Variants in TBC1D2 observed in about 807,000 individuals in gnomAD.
TBC1D2 encodes TBC1 domain family member 2.
TBC1D2 carries 58 observed loss-of-function variants against 91.1 expected under a neutral mutation model. The ratio of observed to expected loss-of-function variants is 0.64; its 90% CI spans 0.52 to 0.79. The LOEUF (loss-of-function observed/expected upper bound fraction) is 0.79. TBC1D2 is among the 30% of genes least tolerant of loss of function. The pLI is 0.00. For synonymous variants in TBC1D2, 482 were observed against 511.5 expected (o/e 0.94, Z 0.78); for missense variants, 1,080 against 1,208.3 (o/e 0.89, Z 1.57).
At chr9:98,251,186 G>A (rs1230021588) in intron 2 of TBC1D2, among the ~76,000 whole-genome samples, 1 of 152,086 alleles carries the variant, frequency 6.6e-6, no homozygotes, top group Non-Finnish European at 1.5e-5. Flanking sequence ...GGCTGCCTCG[G>A]GAGGCTGAGG....
At chr9:98,223,462 A>T (rs1488074700) in intron 5 of TBC1D2, among the ~76,000 whole-genome samples, 1 of 152,242 alleles carries the variant, frequency 6.6e-6, no homozygotes, top group African/African-American at 2.4e-5. Context: ...CTCAGGGCTC[A>T]GTGGAGAGAG....
chr9:98,212,662 C>T lies in TBC1D2; in HGVS notation c.1485+446G>A, dbSNP rs558859152. 5.9e-5 allele frequency among the ~76,000 whole-genome samples: 9 copies of T among 152,276 alleles called. No individual in the cohort carries two copies. In the East Asian group the frequency reaches 1.2e-3, roughly 20 times the overall value. ...GACTGCAGGCGCCCGCCACCATGCCCGGCTAATTTTTTTTTGTATATTTAG... is the reference window on the plus strand; with the variant it reads ...GACTGCAGGCGCCCGCCACCATGCCTGGCTAATTTTTTTTTGTATATTTAG... On this transcript the variant is annotated intron_variant, in intron 7 of 12. Transcript: ENST00000465784.
Position 98,199,524 on chromosome 9 carries a change from G to A in TBC1D2, c.2644C>T (p.Arg882Cys), listed in dbSNP as rs373233972. 27 of 1,614,002 alleles carry A rather than the reference G, an allele frequency of 1.7e-5. No individual in the cohort carries two copies. The highest frequency in any genetic ancestry group is 2.0e-5 in the Non-Finnish European group (24 of 1,180,046). ...TCCAGCCGCTCCCGGTGGACCATGC[G>A]CAGCTGCCGCAGCTGTTTCATGCGG... ...PFRMKQLRQL[R>C]MVHRERLEAE... The change falls in exon 13 of 13, where the codon CGC (arginine) becomes TGC (cysteine). Residue 882 changes from arginine to cysteine, a missense_variant. Physicochemically the swap from Arg to Cys is radical, Grantham distance 180 (BLOSUM62 -3). Transcript: ENST00000465784.
intron 3 of TBC1D2, among the ~76,000 whole-genome samples, chr9:98,237,042 A>C (rs541674758): frequency 5.4e-4 from 82 of 152,230 alleles, no homozygotes; most frequent in African/African-American, 1.8e-3. Context: ...ATCTGTTAAG[A>C]ATGTCAGACT....
intron 6 of TBC1D2, among the ~76,000 whole-genome samples, chr9:98,219,065 A>G (rs1248224069): frequency 6.6e-6 from 1 of 152,232 alleles, no homozygotes; most frequent in Non-Finnish European, 1.5e-5. Flanking sequence ...ACCCAAAAGA[A>G]TCTCTGATTT....
intron 1 of TBC1D2, 112 bp from the exon 2 acceptor site, chr9:98,252,038 A>G: frequency 7.2e-7 from 1 of 1,396,110 alleles, no homozygotes; most frequent in Admixed American, 2.5e-5. Context: ...CCCAGGAAAA[A>G]AAAAAGGGGG....
At chr9:98,205,879 T>C (rs1828640196) in intron 9 of TBC1D2, among the ~76,000 whole-genome samples, 1 of 152,016 alleles carries the variant, frequency 6.6e-6, no homozygotes, top group Non-Finnish European at 1.5e-5. Context: ...GCAGTTCTAA[T>C]GGCTACCACT....
intron 3 of TBC1D2, chr9:98,235,173 C>T: frequency 3.9e-6 from 1 of 258,666 alleles, no homozygotes; most frequent in Non-Finnish European, 7.8e-6. Flanking sequence ...ACTGCACCTC[C>T]AGCCTGGACG....
chr9:98,246,508 A>G (rs1216712256), intron 2 of TBC1D2, among the ~76,000 whole-genome samples: 1 of 152,222 alleles, frequency 6.6e-6, no homozygotes, highest in East Asian at 1.9e-4. Context: ...CACCAAACAC[A>G]GACTGGGTGT....
intron 2 of TBC1D2, among the ~76,000 whole-genome samples, chr9:98,249,162 C>T (rs1010444432): frequency 5.3e-5 from 8 of 152,156 alleles, no homozygotes; most frequent in Non-Finnish European, 1.0e-4. Context: ...GAAGGTTTTG[C>T]CAGGCCCTGG....
intron 7 of TBC1D2, among the ~76,000 whole-genome samples, chr9:98,211,054 G>A (rs1828824884): frequency 6.6e-6 from 1 of 152,246 alleles, no homozygotes; most frequent in Non-Finnish European, 1.5e-5. Context: ...CCAGGTTGGA[G>A]CTGGTTCAGA....
Position 98,255,240 on chromosome 9 carries a change from T to C in TBC1D2, c.302A>G (p.Asp101Gly), listed in dbSNP as rs927290530. The change falls in exon 1 of 13, where the codon GAC (aspartate) becomes GGC (glycine). Residue 101 changes from aspartate to glycine, a missense_variant. By Grantham distance (94) the Asp-to-Gly change is moderately conservative. Transcript: ENST00000465784. Reference protein sequence around the residue: ...DSIDLSSAVFDCKADAEEGIF... With the variant: ...DSIDLSSAVFGCKADAEEGIF... ...CCCCTCCTCAGCGTCCGCCTTACAG[T>C]CAAACACTGCACTGGAGAGGTCGAT... The C allele has an allele frequency of 6.2e-7, 1 of 1,614,018 alleles. No homozygotes were observed. The highest frequency in any genetic ancestry group is 8.5e-7 in the Non-Finnish European group (1 of 1,179,976).
chr9:98,255,177 A>C lies in TBC1D2; in HGVS notation c.365T>G (p.Leu122Arg). ...AAAGTCGTTGCAGGAATTTACCTTCAGGGTAATAACCCGGCTGGGAGTCTT... is the reference window on the plus strand; with the variant it reads ...AAAGTCGTTGCAGGAATTTACCTTCCGGGTAATAACCCGGCTGGGAGTCTT... ...EIKTPSRVIT[L>R]KAATKQAMLY... Residue 122 changes from leucine (L) to arginine (R), a missense_variant, in exon 1 of 13, where the codon CTG becomes CGG. By Grantham distance (102) the Leu-to-Arg change is moderately radical. Coordinates refer to ENST00000465784, the MANE Select transcript of TBC1D2 (RefSeq NM_001267571.2). The C allele has an allele frequency of 6.2e-7, 1 of 1,601,654 alleles. No individual in the cohort carries two copies. The highest frequency in any genetic ancestry group is 1.1e-5 in the South Asian group (1 of 90,454).
chr9:98,251,450 C>T (rs534556406), intron 2 of TBC1D2, among the ~76,000 whole-genome samples: 26 of 152,266 alleles, frequency 1.7e-4, no homozygotes, highest in African/African-American at 5.5e-4. Flanking sequence ...TGGGTTCTGA[C>T]CATGTGCAGG....
In TBC1D2 at chr9:98,208,809, A is replaced by G. The variant is rs766643648; in HGVS notation, c.2009T>C (p.Ile670Thr). 6.2e-7 allele frequency: 1 copy of G among 1,603,264 alleles called. No individual in the cohort carries two copies. Among genetic ancestry groups the G allele is most frequent in the South Asian group, 1.1e-5 (1 of 90,354 alleles). ...GAAGGTCCGGTTCAGGTCCAGCTCA[A>G]TCTGGCGGGCAGCAGGGTGCTCGCG... ...QAREHPAARQ[I>T]ELDLNRTFPN... The change falls in exon 9 of 13, where the codon ATT (isoleucine) becomes ACT (threonine). Residue 670 changes from isoleucine to threonine, a missense_variant. Physicochemically the swap from Ile to Thr is moderately conservative, Grantham distance 89 (BLOSUM62 -1). Coordinates refer to ENST00000465784, the MANE Select transcript of TBC1D2 (RefSeq NM_001267571.2).
At position 98,244,034 on chromosome 9, in the gene TBC1D2, G is replaced by T; in HGVS notation, c.607C>A (p.Leu203Ile). 6.2e-7 allele frequency: 1 copy of T among 1,610,918 alleles called. No individual in the cohort carries two copies. The highest frequency in any genetic ancestry group is 8.5e-7 in the Non-Finnish European group (1 of 1,178,640). The change falls in exon 3 of 13, where the codon CTT (leucine) becomes ATT (isoleucine). Residue 203 changes from leucine to isoleucine, a missense_variant. Coordinates refer to ENST00000465784, the MANE Select transcript of TBC1D2 (RefSeq NM_001267571.2). ...AGGTGCTTGAGGGAAATATTCTGAA[G>T]GGCAGGGAAGGGCTGCAAGGCAGCT... ...VAAALQPFPA[L>I]QNISLKHLGT...
chr9:98,216,169 T>C (rs1828964658), intron 6 of TBC1D2, among the ~76,000 whole-genome samples: 1 of 152,186 alleles, frequency 6.6e-6, no homozygotes, highest in Non-Finnish European at 1.5e-5. Flanking sequence ...TACTACCTCA[T>C]GTGGCTGGGA....
intron 2 of TBC1D2, among the ~76,000 whole-genome samples, chr9:98,247,728 C>CAAAAAAAAAAAAAA (rs58713846): frequency 8.5e-5 from 6 of 70,846 alleles, no homozygotes; most frequent in Non-Finnish European, 1.5e-4. Context: ...GACTCCGTCT[C>CAAAAAAAAAAAAAA]AAAAAAAAAA....
intron 11 of TBC1D2, 123 bp from the exon 12 acceptor site, chr9:98,200,497 CTGGAGGCACAATGTGTGGGGATAGG>C: frequency 1.5e-6 from 1 of 667,842 alleles, no homozygotes; most frequent in Non-Finnish European, 2.2e-6. Context: ...AAGTTGAGGC[CTGGAGGCACAATGTGTGGGGATAGG>C]CTCCAGGGGG....
Sources: allele counts gnomAD v4.1 joint callset (sites outside exome capture counted in the v4.1 genomes callset), GRCh38; gene constraint gnomAD v4.1.1; transcripts MANE v1.5; gene names NCBI Gene and HGNC (gene_info 2026-07-23, HGNC 2026-07-21).